SCARA5: variants seen among roughly 807,000 people sequenced by gnomAD.
The protein encoded by SCARA5 is scavenger receptor class A, member 5 (putative).
Under a neutral mutation model 46.3 loss-of-function variants are expected in SCARA5, and 45 were observed. That is an observed-to-expected ratio of 0.97 (90% confidence interval 0.76 to 1.24). SCARA5 has a LOEUF of 1.24. Ranked by LOEUF, SCARA5 falls within the 50% of genes most tolerant of loss-of-function variation. SCARA5 has a pLI of 0.00. For missense variants in SCARA5, 680 were observed against 689.0 expected (o/e 0.99, Z 0.15); for synonymous variants, 333 against 306.5 (o/e 1.09, Z -0.90).
chr8:27,898,911 C>T (rs1038677119), intron 7 of SCARA5, among the ~76,000 whole-genome samples: 2 of 151,690 alleles, frequency 1.3e-5, no homozygotes, highest in African/African-American at 4.8e-5. Context: ...CAGAACACAT[C>T]GAGGTACCTG....
chr8:27,934,247 A>T (rs183198825), intron 3 of SCARA5, among the ~76,000 whole-genome samples: 1 of 152,268 alleles, frequency 6.6e-6, no homozygotes, highest in African/African-American at 2.4e-5. Flanking sequence ...ATGCCTGCAG[A>T]AGAAAGGAAG....
At chr8:27,968,584 CTG>C (rs1268374519) in intron 2 of SCARA5, among the ~76,000 whole-genome samples, 2 of 152,202 alleles carry the variant, frequency 1.3e-5, no homozygotes, top group African/African-American at 4.8e-5. Flanking sequence ...AGAGAAAACT[CTG>C]TTCCTCTCAA....
chr8:27,900,070 G>A (rs765674166), intron 7 of SCARA5, among the ~76,000 whole-genome samples: 4 of 151,954 alleles, frequency 2.6e-5, no homozygotes, highest in Non-Finnish European at 5.9e-5. Context: ...CCCAGGAGGC[G>A]GAGGTTGCAG....
chr8:27,990,211 G>C (rs1331380782), intron 1 of SCARA5, among the ~76,000 whole-genome samples: 1 of 152,252 alleles, frequency 6.6e-6, no homozygotes, highest in African/African-American at 2.4e-5. Flanking sequence ...GGATCTGCTG[G>C]GGAGAGGGAC....
chr8:27,877,132 AGAG>A (rs1806737742), intron 8 of SCARA5, among the ~76,000 whole-genome samples: 1 of 152,046 alleles, frequency 6.6e-6, no homozygotes, highest in Non-Finnish European at 1.5e-5. Flanking sequence ...CTGCTTGTAG[AGAG>A]GAGGAGAACA....
At chr8:27,897,626 C>T (rs1388660502) in intron 7 of SCARA5, among the ~76,000 whole-genome samples, 3 of 152,220 alleles carry the variant, frequency 2.0e-5, no homozygotes, top group Admixed American at 6.5e-5. Flanking sequence ...GAGGGAAGGG[C>T]GGCACCGCAG....
intron 4 of SCARA5, among the ~76,000 whole-genome samples, chr8:27,911,398 A>G (rs1025740519): frequency 6.6e-6 from 1 of 152,176 alleles, no homozygotes; most frequent in Admixed American, 6.5e-5. Flanking sequence ...TCAAGAGAAA[A>G]CAAGGACCAT....
At chr8:27,978,540 C>G (rs144729740) in intron 2 of SCARA5, among the ~76,000 whole-genome samples, 1,896 of 152,004 alleles carry the variant, frequency 0.012, 47 homozygotes, top group African/African-American at 0.043. Context: ...GAGACAGGCT[C>G]TCACTCTGTC....
chr8:27,919,345 G>A (rs1201681267), intron 4 of SCARA5, among the ~76,000 whole-genome samples: 1 of 150,916 alleles, frequency 6.6e-6, no homozygotes, highest in Non-Finnish European at 1.5e-5. Flanking sequence ...CAGTGGGGAA[G>A]GTGAGCTGTG....
chr8:27,902,482 G>A (rs557856412), intron 7 of SCARA5, among the ~76,000 whole-genome samples: 1 of 152,318 alleles, frequency 6.6e-6, no homozygotes, highest in East Asian at 1.9e-4. Context: ...CACAGCATGG[G>A]GAACGCCCTG....
At chr8:27,951,253 C>A (rs4395853) in intron 3 of SCARA5, among the ~76,000 whole-genome samples, 1 of 152,010 alleles carries the variant, frequency 6.6e-6, no homozygotes, top group Non-Finnish European at 1.5e-5. Context: ...CACAGAAAAC[C>A]GGTATCAATG....
chr8:27,873,971 AC>A (rs1350356242), intron 8 of SCARA5, among the ~76,000 whole-genome samples: 1 of 152,060 alleles, frequency 6.6e-6, no homozygotes, highest in Non-Finnish European at 1.5e-5. Flanking sequence ...AATCGCTTGA[AC>A]CCGTGAGGCG....
intron 3 of SCARA5, among the ~76,000 whole-genome samples, chr8:27,952,055 G>GGTCCT (rs6150520): frequency 6.6e-6 from 1 of 152,012 alleles, no homozygotes; most frequent in Non-Finnish European, 1.5e-5. Context: ...TTGGGTTGGG[G>GGTCCT]ACCAATATGA....
At chr8:27,937,457 GC>G (rs1469803699) in intron 3 of SCARA5, among the ~76,000 whole-genome samples, 1 of 152,174 alleles carries the variant, frequency 6.6e-6, no homozygotes, top group East Asian at 1.9e-4. Flanking sequence ...GGCCCCAGTT[GC>G]CACAGTGGGG....
chr8:27,910,208 C>T, intron 4 of SCARA5: 1 of 154,396 alleles, frequency 6.5e-6, no homozygotes. Flanking sequence ...CAGCAGTCTG[C>T]ACACCAGGAG....
intron 3 of SCARA5, among the ~76,000 whole-genome samples, chr8:27,942,160 G>A (rs1055598368): frequency 5.1e-4 from 77 of 152,060 alleles, no homozygotes; most frequent in Non-Finnish European, 2.1e-4. Context: ...GCTGAGGCCA[G>A]CAAGAAATAG....
chr8:27,916,896 G>C (rs1807471174), intron 4 of SCARA5, among the ~76,000 whole-genome samples: 1 of 152,134 alleles, frequency 6.6e-6, no homozygotes, highest in South Asian at 2.1e-4. Context: ...ATGGTATCCG[G>C]AGGCAGGGCC....
chr8:27,900,944 G>C (rs1807143251), intron 7 of SCARA5, among the ~76,000 whole-genome samples: 1 of 151,756 alleles, frequency 6.6e-6, no homozygotes, highest in Non-Finnish European at 1.5e-5. Flanking sequence ...ACCTAGGCTG[G>C]GTGATTTTGG....
rs1322554479 is a variant in SCARA5, at chr8:27,870,590, T to A, written c.*1344A>T. The A allele has an allele frequency of 6.6e-6, 1 of 152,006 alleles. No individual in the cohort carries two copies. Among genetic ancestry groups the A allele is most frequent in the East Asian group, 1.9e-4 (1 of 5,168 alleles). The allele number at this position is 152,006 out of a possible 1,614,324, so 9.4% of individuals were successfully genotyped here. Reference sequence around the variant, plus strand: ...TGAGATTCCCCCAAGGTGAGGTGGGTCTGCACTCACTTGCTACCAGGTAGC... The same window carrying A: ...TGAGATTCCCCCAAGGTGAGGTGGGACTGCACTCACTTGCTACCAGGTAGC... On this transcript the variant is annotated 3_prime_UTR_variant, in exon 9 of 9. Transcript: ENST00000354914.
Sources: allele counts gnomAD v4.1 joint callset (sites outside exome capture counted in the v4.1 genomes callset), GRCh38; gene constraint gnomAD v4.1.1; transcripts MANE v1.5; gene names NCBI Gene and HGNC (gene_info 2026-07-23, HGNC 2026-07-21).